COL19A1: variants seen among roughly 807,000 people sequenced by gnomAD.
COL19A1 encodes collagen alpha-1(XIX) chain.
In COL19A1, 159 loss-of-function variants were observed where a neutral mutation model predicts 190.2. The observed-to-expected ratio is 0.84, with a 90% CI of 0.73 to 0.95. COL19A1 has a LOEUF of 0.95. COL19A1 is among the 40% of genes least tolerant of loss of function. The probability of loss-of-function intolerance (pLI) is 0.00; values close to 1 mark genes in which losing one functional copy is unlikely to be tolerated. For missense variants in COL19A1, 1,418 were observed against 1,431.9 expected (o/e 0.99, Z 0.16); for synonymous variants, 509 against 458.9 (o/e 1.11, Z -1.39).
chr6:70,184,080 C>T (rs905716946), intron 44 of COL19A1, among the ~76,000 whole-genome samples: 23 of 152,206 alleles, frequency 1.5e-4, no homozygotes, highest in African/African-American at 5.5e-4. Flanking sequence ...TAAAAAGTGA[C>T]TAATACTGTC....
chr6:70,090,159 AG>A (rs1368685487), intron 15 of COL19A1, among the ~76,000 whole-genome samples: 2 of 150,540 alleles, frequency 1.3e-5, no homozygotes, highest in Admixed American at 1.3e-4. Context: ...CCTGGGTGAC[AG>A]AGCAAGACTC....
At chr6:69,913,241 CATT>C (rs1295866431) in intron 4 of COL19A1, among the ~76,000 whole-genome samples, 16 of 152,080 alleles carry the variant, frequency 1.1e-4, no homozygotes, top group Non-Finnish European at 2.2e-4. Flanking sequence ...GTTATATTGT[CATT>C]ATTATTTCTA....
chr6:70,086,689 G>T (rs976736335), intron 15 of COL19A1, among the ~76,000 whole-genome samples: 1 of 152,160 alleles, frequency 6.6e-6, no homozygotes. Flanking sequence ...AACATCACCA[G>T]ATCTTAAAGA....
At chr6:70,130,323 T>C in intron 18 of COL19A1, 100 bp downstream of exon 18, 1 of 918,234 alleles carries the variant, frequency 1.1e-6, no homozygotes, top group Non-Finnish European at 1.7e-6. Context: ...CCTCCCAGGT[T>C]CAAGTGATTC....
intron 16 of COL19A1, among the ~76,000 whole-genome samples, chr6:70,116,908 T>TA (rs1361843867): frequency 6.6e-6 from 1 of 152,212 alleles, no homozygotes; most frequent in Non-Finnish European, 1.5e-5. Context: ...CAGCTGTGTG[T>TA]AACCTGAAAA....
chr6:69,993,874 A>G (rs113484159), intron 11 of COL19A1, among the ~76,000 whole-genome samples: 12,679 of 150,398 alleles, frequency 0.084, 591 homozygotes, highest in East Asian at 0.2. Context: ...GTGGTCTATC[A>G]ATCTTATTTA....
chr6:70,088,236 A>T (rs760959173), intron 15 of COL19A1, among the ~76,000 whole-genome samples: 22 of 152,132 alleles, frequency 1.4e-4, no homozygotes, highest in Non-Finnish European at 2.1e-4. Flanking sequence ...ATCTTCATAT[A>T]TTCTAGCCCA....
At chr6:70,132,691 G>A (rs748056451) in intron 18 of COL19A1, among the ~76,000 whole-genome samples, 4 of 152,138 alleles carry the variant, frequency 2.6e-5, no homozygotes, top group Non-Finnish European at 4.4e-5. Flanking sequence ...TCCATCCACA[G>A]AGACTCCGAT....
At position 70,068,324 on chromosome 6, in the gene COL19A1, T is replaced by C. The variant is rs1781363942; in HGVS notation, c.1171-99T>C. ...AAGAGCTCAAATTACTTTAAAAGTT[T>C]GTTTTAATCAACAAAATAATTATTA... On this transcript the variant is annotated intron_variant, in intron 14 of 50. Coordinates refer to ENST00000620364, the MANE Select transcript of COL19A1 (RefSeq NM_001858.6). 5 of 822,500 alleles carry C rather than the reference T, an allele frequency of 6.1e-6. No individual in the cohort carries two copies. The East Asian group carries it at 9.9e-5, about 16-fold the overall frequency. 51.0% of individuals were successfully genotyped at this position (822,500 alleles called of 1,614,324 possible).
intron 4 of COL19A1, among the ~76,000 whole-genome samples, chr6:69,907,386 C>T (rs996249364): frequency 5.9e-5 from 9 of 151,878 alleles, no homozygotes; most frequent in Admixed American, 2.6e-4. Flanking sequence ...CGCCTCGGCC[C>T]CCCAAAGTGC....
chr6:70,036,128 A>G (rs1436122733), intron 14 of COL19A1, among the ~76,000 whole-genome samples, 189 bp downstream of exon 14: 1 of 152,242 alleles, frequency 6.6e-6, no homozygotes, highest in Non-Finnish European at 1.5e-5. Context: ...ATCTGACCCA[A>G]GGTCATACAG....
intron 11 of COL19A1, among the ~76,000 whole-genome samples, chr6:69,990,533 C>G (rs1250573786): frequency 1.3e-5 from 2 of 152,026 alleles, no homozygotes; most frequent in South Asian, 4.1e-4. Context: ...TCCTCCCCCT[C>G]TCTGTCATTT....
At chr6:70,016,521 T>C (rs961550343) in intron 11 of COL19A1, among the ~76,000 whole-genome samples, 1 of 149,988 alleles carries the variant, frequency 6.7e-6, no homozygotes, top group Non-Finnish European at 1.5e-5. Context: ...GTGAAACTTA[T>C]TGTATGCTGG....
In COL19A1 at chr6:70,166,100, G is replaced by A. The variant is rs542598857; in HGVS notation, c.2445+115G>A. On this transcript the variant is annotated intron_variant, in intron 37 of 50. Transcript: ENST00000620364. ...AAGATAAAATTCTTCTGAATTTCGT[G>A]TATAAATATAAATGATAGCCAATGT... 7.6e-5 allele frequency: 72 copies of A among 941,356 alleles called. No homozygotes were observed. In the African/African-American group the frequency reaches 9.0e-4, roughly 12 times the overall value. The allele number at this position is 941,356 out of a possible 1,614,324, so 58.3% of individuals were successfully genotyped here.
At chr6:70,149,624 T>A (rs927182981) in intron 27 of COL19A1, 80 bp from the exon 28 acceptor site, 41 of 1,558,084 alleles carry the variant, frequency 2.6e-5, no homozygotes, top group Non-Finnish European at 3.5e-5. Flanking sequence ...TAAACTACAA[T>A]GCTTAGTCTT....
intron 15 of COL19A1, among the ~76,000 whole-genome samples, chr6:70,068,815 G>T (rs571673631): frequency 6.6e-6 from 1 of 152,160 alleles, no homozygotes; most frequent in Non-Finnish European, 1.5e-5. Context: ...TTCCATAAAG[G>T]TTGTGGATAT....
intron 11 of COL19A1, among the ~76,000 whole-genome samples, chr6:70,008,970 C>A (rs1777813423): frequency 1.3e-5 from 2 of 151,896 alleles, no homozygotes; most frequent in Non-Finnish European, 2.9e-5. Context: ...AAATTCAATA[C>A]CCATTCAACA....
intron 40 of COL19A1, among the ~76,000 whole-genome samples, chr6:70,169,700 A>G (rs1418062552): frequency 6.6e-6 from 1 of 152,132 alleles, no homozygotes; most frequent in African/African-American, 2.4e-5. Context: ...TTGTTTTACT[A>G]TTCATTCACC....
chr6:70,115,110 T>G (rs1466165057), intron 16 of COL19A1, among the ~76,000 whole-genome samples: 1 of 152,218 alleles, frequency 6.6e-6, no homozygotes, highest in East Asian at 1.9e-4. Context: ...AGATGCAGTC[T>G]GCAGAGTCCT....
Sources: allele counts gnomAD v4.1 joint callset (sites outside exome capture counted in the v4.1 genomes callset), GRCh38; gene constraint gnomAD v4.1.1; transcripts MANE v1.5; gene names NCBI Gene and HGNC (gene_info 2026-07-23, HGNC 2026-07-21).